The following FHIP2A variants were observed in gnomAD, a reference collection of about 807,000 sequenced individuals.
FHIP2A encodes family with sequence similarity 160 member B1.
Under a neutral mutation model 93.5 loss-of-function variants are expected in FHIP2A, and 46 were observed. That is an observed-to-expected ratio of 0.49 (90% confidence interval 0.39 to 0.63). The LOEUF is 0.63. Among genes scored for constraint, FHIP2A ranks in the 20% least tolerant of loss-of-function variants. FHIP2A has a pLI of 0.00. For missense variants in FHIP2A, 769 were observed against 909.7 expected, an observed-to-expected ratio of 0.85 and a Z score of 1.99; for synonymous variants, 332 against 326.5, an observed-to-expected ratio of 1.02 and a Z score of -0.18.
chr10:114,859,136 T>A (rs573236626), intron 14 of FHIP2A, among the ~76,000 whole-genome samples: 4 of 152,220 alleles, frequency 2.6e-5, no homozygotes, highest in Admixed American at 2.6e-4. Context: ...TGAAAAAAAA[T>A]AATAAATGAC....
intron 16 of FHIP2A, among the ~76,000 whole-genome samples, chr10:114,883,998 A>G (rs560459687): frequency 1.3e-5 from 2 of 152,246 alleles, no homozygotes; most frequent in African/African-American, 2.4e-5. Flanking sequence ...ATCTGATTAC[A>G]GTGACATCAT....
chr10:114,888,856 G>A (rs1330347226), intron 16 of FHIP2A, among the ~76,000 whole-genome samples: 2 of 152,156 alleles, frequency 1.3e-5, no homozygotes, highest in East Asian at 3.9e-4. Context: ...GCCCACCTCG[G>A]CTTCTCAAAG....
chr10:114,871,605 G>GA (rs2083860613), intron 16 of FHIP2A, among the ~76,000 whole-genome samples: 1 of 152,112 alleles, frequency 6.6e-6, no homozygotes, highest in Non-Finnish European at 1.5e-5. Flanking sequence ...TCCCTCTGCA[G>GA]AAACCTCTAT....
At chr10:114,871,487 A>G (rs576270529) in intron 16 of FHIP2A, among the ~76,000 whole-genome samples, 209 of 152,218 alleles carry the variant, frequency 1.4e-3, no homozygotes, top group African/African-American at 4.7e-3. Flanking sequence ...TGTCAGCCCC[A>G]GTGGTAGTAG....
At chr10:114,893,463 T>C (rs546714388) in intron 16 of FHIP2A, among the ~76,000 whole-genome samples, 1 of 152,302 alleles carries the variant, frequency 6.6e-6, no homozygotes, top group East Asian at 1.9e-4. Flanking sequence ...ATAGATGAGC[T>C]TCTGAATGCC....
chr10:114,865,014 G>A (rs972769203), downstream of FHIP2A, among the ~76,000 whole-genome samples: 2 of 149,292 alleles, frequency 1.3e-5, no homozygotes, highest in African/African-American at 4.9e-5. Context: ...TTGAGGCAGA[G>A]TCTCGCTCTG....
chr10:114,868,537 AG>A (rs1419630562), downstream of FHIP2A, among the ~76,000 whole-genome samples: 3 of 152,206 alleles, frequency 2.0e-5, no homozygotes, highest in Admixed American at 2.0e-4. Flanking sequence ...AGGAACTGAC[AG>A]GGAGTCTTTA....
rs377354189 is a variant in FHIP2A, at chr10:114,846,269, A to G, written c.1300A>G (p.Ile434Val). 104 of 1,614,174 alleles carry G rather than the reference A, an allele frequency of 6.4e-5. 1 individual carries two copies. The African/African-American group carries it at 1.3e-3, about 19-fold the overall frequency. The change falls in exon 10 of 17, where the codon ATC (isoleucine) becomes GTC (valine). Residue 434 changes from isoleucine to valine, a missense_variant. By Grantham distance (29) the Ile-to-Val change is conservative. Transcript: ENST00000369248. ...TTTGCTTCAAGAAATGGTGTTTTTTATCCTTGGAGAACAGAGGGAACCAGA... is the reference window on the plus strand; with the variant it reads ...TTTGCTTCAAGAAATGGTGTTTTTTGTCCTTGGAGAACAGAGGGAACCAGA... ...DVLLQEMVFFILGEQREPETL... is the reference protein window; with the variant it reads ...DVLLQEMVFFVLGEQREPETL...
At chr10:114,830,792 T>G in intron 1 of FHIP2A, 60 bp from the exon 2 acceptor site, 1 of 1,147,958 alleles carries the variant, frequency 8.7e-7, no homozygotes, top group Non-Finnish European at 1.3e-6. Flanking sequence ...TACAGAGTTA[T>G]AAGTTATGGG....
At chr10:114,856,170 A>T (rs937358710) in intron 14 of FHIP2A, among the ~76,000 whole-genome samples, 8 of 152,248 alleles carry the variant, frequency 5.3e-5, no homozygotes, top group African/African-American at 1.9e-4. Flanking sequence ...AAATTTACTA[A>T]GTAGGCTGTC....
At chr10:114,867,918 G>A (rs1410484487), downstream of FHIP2A, among the ~76,000 whole-genome samples, 1 of 151,236 alleles carries the variant, frequency 6.6e-6, no homozygotes, top group Middle Eastern at 3.2e-3. Context: ...AGTCTAAGGA[G>A]TTAAAATTCA....
At chr10:114,888,605 T>C (rs1419768506) in intron 16 of FHIP2A, among the ~76,000 whole-genome samples, 1 of 151,934 alleles carries the variant, frequency 6.6e-6, no homozygotes, top group Non-Finnish European at 1.5e-5. Context: ...TTTTTTCTTT[T>C]TTCTTTTTCT....
chr10:114,847,904 C>T (rs146472336), intron 12 of FHIP2A, among the ~76,000 whole-genome samples: 132 of 152,084 alleles, frequency 8.7e-4, no homozygotes, highest in African/African-American at 3.0e-3. Flanking sequence ...ATGGCTACTA[C>T]GACTTGACCT....
At chr10:114,848,855 G>T in intron 13 of FHIP2A, 118 bp downstream of exon 13, 1 of 683,112 alleles carries the variant, frequency 1.5e-6, no homozygotes, top group Non-Finnish European at 2.5e-6. Flanking sequence ...TTAAAAATGA[G>T]ACCTGGGCCG....
chr10:114,848,506 G>A (rs182454117), intron 12 of FHIP2A, 141 bp from the exon 13 acceptor site: 8 of 574,824 alleles, frequency 1.4e-5, no homozygotes, highest in Non-Finnish European at 1.6e-5. Context: ...CTGAACTTAC[G>A]ATATCACTAG....
At position 114,844,011 on chromosome 10, in the gene FHIP2A, T is replaced by A. The variant is rs924884099; in HGVS notation, c.1013+74T>A. Reference sequence around the variant, plus strand: ...TACATTTTAAAATCCATTTCTATTTTGCAATGGTAGAAGTCTTTGAAAAAT... The same window carrying A: ...TACATTTTAAAATCCATTTCTATTTAGCAATGGTAGAAGTCTTTGAAAAAT... On this transcript the variant is annotated intron_variant, in intron 7 of 16. Transcript: ENST00000369248. 3.7e-5 allele frequency: 47 copies of A among 1,270,684 alleles called. No individual in the cohort carries two copies. The African/African-American group carries it at 6.8e-4, about 18-fold the overall frequency. The allele number at this position is 1,270,684 out of a possible 1,614,324, so 78.7% of individuals were successfully genotyped here. A position where few individuals can be genotyped will look rare whatever the true frequency, so the allele number is the denominator to read the frequency against.
intron 16 of FHIP2A, among the ~76,000 whole-genome samples, chr10:114,873,165 TG>T (rs2143014352): frequency 6.6e-6 from 1 of 152,388 alleles, no homozygotes; most frequent in East Asian, 1.9e-4. Flanking sequence ...TTAGGCTTTC[TG>T]CAGTGTCTGC....
At chr10:114,884,720 C>T (rs1404834258) in intron 16 of FHIP2A, among the ~76,000 whole-genome samples, 1 of 151,806 alleles carries the variant, frequency 6.6e-6, no homozygotes, top group Non-Finnish European at 1.5e-5. Flanking sequence ...CGAGACCAGC[C>T]TGACCAACAT....
chr10:114,851,274 G>A (rs999621747), intron 13 of FHIP2A, among the ~76,000 whole-genome samples: 4 of 152,028 alleles, frequency 2.6e-5, no homozygotes, highest in East Asian at 3.9e-4. Flanking sequence ...TTTTTGTGCC[G>A]TACCTAAGAA....
Sources: allele counts gnomAD v4.1 joint callset (sites outside exome capture counted in the v4.1 genomes callset), GRCh38; gene constraint gnomAD v4.1.1; transcripts MANE v1.5; gene names NCBI Gene and HGNC (gene_info 2026-07-23, HGNC 2026-07-21).